The following FER variants were observed in gnomAD, a reference collection of about 807,000 sequenced individuals.
The protein encoded by FER is tyrosine-protein kinase Fer.
A neutral mutation model predicts 111.0 loss-of-function variants in FER; 63 were observed. The observed-to-expected ratio is 0.57, with a 90% CI of 0.46 to 0.70. The LOEUF (loss-of-function observed/expected upper bound fraction) is 0.70, where lower values mean the gene tolerates loss of function less well. FER is among the 30% of genes least tolerant of loss of function. The probability of loss-of-function intolerance (pLI) is 0.00; values close to 1 mark genes in which losing one functional copy is unlikely to be tolerated. For missense variants in FER, 914 were observed against 954.0 expected (o/e 0.96, Z 0.55); for synonymous variants, 327 against 313.9 (o/e 1.04, Z -0.44).
intron 1 of FER, among the ~76,000 whole-genome samples, chr5:108,761,206 G>T (rs1336614022): frequency 1.3e-5 from 2 of 152,154 alleles, no homozygotes. Context: ...GGGATTACAG[G>T]TGTGAGCCAC....
chr5:109,039,914 G>T (rs967239474), intron 14 of FER, among the ~76,000 whole-genome samples: 1 of 152,046 alleles, frequency 6.6e-6, no homozygotes, highest in Admixed American at 6.6e-5. Flanking sequence ...TGACAACTTG[G>T]AAGGTTAGGA....
chr5:108,871,398 C>T lies in FER; in HGVS notation c.699C>T (p.Thr233=), dbSNP rs1482707696. The T allele has an allele frequency of 2.5e-6, 4 of 1,611,616 alleles. No homozygotes were observed. Among genetic ancestry groups the T allele is most frequent in the Non-Finnish European group, 2.5e-6 (3 of 1,178,454 alleles). ...KGIFDEYSQI[T]SLVTEEIVNV... is the part of the protein sequence containing the mutation. ...TATTTGATGAATACAGCCAGATAACCAGTCTTGTCACAGAGGAAATAGTGA... is the reference window on the plus strand; with the variant it reads ...TATTTGATGAATACAGCCAGATAACTAGTCTTGTCACAGAGGAAATAGTGA... Residue 233 remains threonine, a synonymous_variant, in exon 7 of 20, where the codon ACC becomes ACT. Coordinates refer to ENST00000281092, the MANE Select transcript of FER (RefSeq NM_005246.4).
At chr5:109,158,734 A>C (rs1368312771) in intron 17 of FER, among the ~76,000 whole-genome samples, 1 of 152,148 alleles carries the variant, frequency 6.6e-6, no homozygotes, top group Non-Finnish European at 1.5e-5. Context: ...CAAAAATTGA[A>C]GTACTCGTTG....
intron 17 of FER, among the ~76,000 whole-genome samples, chr5:109,147,430 A>G (rs1352131167): frequency 2.6e-5 from 4 of 152,170 alleles, no homozygotes; most frequent in African/African-American, 9.6e-5. Context: ...TTTTATGTCT[A>G]GGAATATATT....
rs190763390 is a variant in FER at position 108,971,952 on chromosome 5, G to A, written c.1656+12605G>A. 7.6e-3 allele frequency among the ~76,000 whole-genome samples: 1,157 copies of A among 151,598 alleles called. 11 individuals are homozygous for A. The highest frequency in any genetic ancestry group is 0.027 in the African/African-American group (1,130 of 41,342). ...CATTAAGATGTAATGAATTGTTGAA[G>A]TTTTTTTTCCCTTTAGGCTTTGCAC... is the stretch of plus-strand genomic sequence containing the variant. On this transcript the variant is annotated intron_variant, in intron 13 of 19. Transcript: ENST00000281092.
At chr5:108,843,438 CATTT>C (rs2150159707) in intron 5 of FER, among the ~76,000 whole-genome samples, 1 of 152,004 alleles carries the variant, frequency 6.6e-6, no homozygotes, top group African/African-American at 2.4e-5. Flanking sequence ...TTTAATCACT[CATTT>C]AATAAGAATT....
chr5:108,864,188 G>A (rs1357316952), intron 5 of FER, among the ~76,000 whole-genome samples: 6 of 152,174 alleles, frequency 3.9e-5, no homozygotes, highest in Admixed American at 3.3e-4. Context: ...AAAAAATTAT[G>A]TGTTGCTCCA....
intron 4 of FER, among the ~76,000 whole-genome samples, chr5:108,833,943 G>A (rs570417402): frequency 1.3e-5 from 2 of 151,458 alleles, no homozygotes; most frequent in South Asian, 2.1e-4. Context: ...TCATGTTATC[G>A]AATACTTTTT....
At chr5:108,979,747 T>G (rs1210460556) in intron 13 of FER, among the ~76,000 whole-genome samples, 2 of 152,156 alleles carry the variant, frequency 1.3e-5, no homozygotes, top group East Asian at 1.9e-4. Context: ...TTGTCTCCTG[T>G]TGTGTCCTTT....
At chr5:109,124,804 T>G (rs1751480193) in intron 17 of FER, among the ~76,000 whole-genome samples, 1 of 152,116 alleles carries the variant, frequency 6.6e-6, no homozygotes, top group Non-Finnish European at 1.5e-5. Context: ...CCCAGCACTT[T>G]GGGAGGCCGA....
chr5:108,909,482 T>A (rs1751252881), intron 10 of FER, among the ~76,000 whole-genome samples: 1 of 152,130 alleles, frequency 6.6e-6, no homozygotes, highest in Non-Finnish European at 1.5e-5. Flanking sequence ...CAAGGTTGTG[T>A]AAAAAAATCA....
intron 5 of FER, among the ~76,000 whole-genome samples, chr5:108,856,082 G>C (rs1317092727): frequency 8.6e-5 from 13 of 151,916 alleles, no homozygotes; most frequent in Admixed American, 8.5e-4. Flanking sequence ...AGGTGAGAGA[G>C]GATACATCTA....
intron 17 of FER, among the ~76,000 whole-genome samples, chr5:109,108,154 G>T (rs1344108525): frequency 6.6e-6 from 1 of 151,998 alleles, no homozygotes; most frequent in South Asian, 2.1e-4. Context: ...ACATTCATAT[G>T]CTCATTTAAC....
rs532327539 is a variant in FER at position 109,037,498 on chromosome 5, A to G, written c.1713+20A>G. 1 of 1,600,860 alleles carries G rather than the reference A, an allele frequency of 6.2e-7. No homozygotes were observed. Among genetic ancestry groups the G allele is most frequent in the East Asian group, 2.2e-5 (1 of 44,730 alleles). On this transcript the variant is annotated intron_variant, in intron 14 of 19. Coordinates refer to ENST00000281092, the MANE Select transcript of FER (RefSeq NM_005246.4). ...GGCAAGGTATGTAATCAACTGAGCT[A>G]AATAACCAGAAGTCTCTATATTGAT...
rs370962932 is a variant in FER, at chr5:108,970,805, C to A, written c.1656+11458C>A. 3.3e-5 allele frequency among the ~76,000 whole-genome samples: 5 copies of A among 151,958 alleles called. No homozygotes were observed. The South Asian group carries it at 6.2e-4, about 19-fold the overall frequency. ...ATTTCTAGGCCTGTTTTAAGTCAGG[C>A]AAGATCAGTTTGACAGAAGCAGGTG... On this transcript the variant is annotated intron_variant, in intron 13 of 19. Transcript: ENST00000281092.
chr5:108,894,069 A>G (rs1748648414), intron 9 of FER, among the ~76,000 whole-genome samples: 1 of 151,462 alleles, frequency 6.6e-6, no homozygotes, highest in Non-Finnish European at 1.5e-5. Flanking sequence ...TGAAAGACCT[A>G]GGAAACTCTT....
rs893387595 is a variant in FER, at chr5:108,897,804, C to T, written c.1192C>T (p.Pro398Ser). Residue 398 changes from proline to serine, a missense_variant, in exon 10 of 20, where the codon CCA becomes TCA. Around this residue, in one of 3 missense-constraint regions of FER, gnomAD observed 774 missense variants for 782.6 expected, o/e 0.99. Coordinates refer to ENST00000281092, the MANE Select transcript of FER (RefSeq NM_005246.4). The part of the protein sequence containing the change: ...VQENDGKEPP[P>S]VVNYEEDARS... ...AGAAAATGATGGGAAAGAGCCACCT[C>T]CAGTAGTAAATTATGAAGAAGATGC... 1 of 1,612,568 alleles carries T rather than the reference C, an allele frequency of 6.2e-7. No individual in the cohort carries two copies. The highest frequency in any genetic ancestry group is 1.3e-5 in the African/African-American group (1 of 74,766).
intron 13 of FER, among the ~76,000 whole-genome samples, chr5:109,013,227 C>G (rs1416646596): frequency 2.0e-5 from 2 of 102,276 alleles, no homozygotes; most frequent in Non-Finnish European, 3.8e-5. Flanking sequence ...TATCCCTCCC[C>G]CCTCCCCCCA....
intron 2 of FER, among the ~76,000 whole-genome samples, chr5:108,789,379 CT>C (rs879411653): frequency 3.1e-3 from 443 of 144,260 alleles, no homozygotes; most frequent in Middle Eastern, 0.011. Context: ...CTCATACTCA[CT>C]TTTTTTTTTT....
Sources: allele counts gnomAD v4.1 joint callset (sites outside exome capture counted in the v4.1 genomes callset), GRCh38; gene constraint gnomAD v4.1.1; regional missense constraint gnomAD v4.1.1; transcripts MANE v1.5; gene names NCBI Gene and HGNC (gene_info 2026-07-23, HGNC 2026-07-21).